Variants in CBL observed in about 807,000 individuals in gnomAD.
The protein encoded by CBL is E3 ubiquitin-protein ligase CBL.
CBL carries 45 observed loss-of-function variants against 96.9 expected under a neutral mutation model. The ratio of observed to expected loss-of-function variants is 0.46; its 90% CI spans 0.37 to 0.60. CBL has a LOEUF of 0.60. Among genes scored for constraint, CBL ranks in the 20% least tolerant of loss-of-function variants. CBL has a pLI of 0.00. For synonymous variants in CBL, 420 were observed against 426.8 expected, an observed-to-expected ratio of 0.98 and a Z score of 0.20; for missense variants, 1,024 against 1,143.5, an observed-to-expected ratio of 0.90 and a Z score of 1.51.
chr11:119,288,004 T>C (rs1949997593), intron 12 of CBL, 58 bp downstream of exon 12: 3 of 1,171,192 alleles, frequency 2.6e-6, no homozygotes, highest in Non-Finnish European at 3.9e-6. Context: ...AAAAGCTTAC[T>C]TGCAGAAAAT....
chr11:119,271,694 T>C (rs1334093408), intron 2 of CBL, 41 bp from the exon 3 acceptor site: 5 of 1,574,766 alleles, frequency 3.2e-6, no homozygotes, highest in Non-Finnish European at 4.4e-6. Flanking sequence ...AAAATAAAAA[T>C]AATTTTATGT....
At chr11:119,244,048 A>C (rs1172023005) in intron 2 of CBL, among the ~76,000 whole-genome samples, 4 of 152,194 alleles carry the variant, frequency 2.6e-5, no homozygotes, top group African/African-American at 9.7e-5. Context: ...TTTTAAAAGA[A>C]GAAAAAAAAT....
intron 4 of CBL, 95 bp from the exon 5 acceptor site, chr11:119,274,737 A>G (rs1316029924): frequency 1.7e-6 from 2 of 1,170,012 alleles, no homozygotes; most frequent in African/African-American, 3.1e-5. Flanking sequence ...CTGACAATGA[A>G]CTGAGAGTTG....
Position 119,245,600 on chromosome 11 carries a change from G to A in CBL, c.443+12905G>A, listed in dbSNP as rs1225570547. On this transcript the variant is annotated intron_variant, in intron 2 of 15. Transcript: ENST00000264033. ...AAAAATTACCCGGGCATGGTGGTGG[G>A]TACCTGTAATCCCAGCTACTCGGGA... 4.0e-5 allele frequency among the ~76,000 whole-genome samples: 6 copies of A among 151,882 alleles called. No individual in the cohort carries two copies. The East Asian group carries it at 1.2e-3, about 29-fold the overall frequency.
rs978534327 is a variant in CBL at position 119,210,577 on chromosome 11, C to T, written c.195+3965C>T. ...CCAAGTAGCTGGGATTATAGGCATG[C>T]GCCACCACACCTGGCTAATTTTTCA... On this transcript the variant is annotated intron_variant, in intron 1 of 15. Transcript: ENST00000264033. Among the ~76,000 whole-genome samples the T allele has an allele frequency of 4.7e-5, 7 of 150,414 alleles. No individual in the cohort carries two copies. In the East Asian group the frequency reaches 9.7e-4, roughly 21 times the overall value.
intron 11 of CBL, among the ~76,000 whole-genome samples, chr11:119,286,727 C>G (rs1037052385): frequency 1.3e-5 from 2 of 151,976 alleles, no homozygotes; most frequent in African/African-American, 4.8e-5. Context: ...GTTATTGGTC[C>G]TTTGTCTAAA....
rs944665757 is a variant in CBL, at chr11:119,296,634, A to G, written c.2037-284A>G. Among the ~76,000 whole-genome samples, 7 of 152,192 alleles carry G rather than the reference A, an allele frequency of 4.6e-5. 1 individual carries two copies. Among genetic ancestry groups the G allele is most frequent in the Admixed American group, 2.6e-4 (4 of 15,286 alleles). ...CTCTAGGGCCTGGGACTCTATAATGAAACTTCTGTGGGGGATTAGGACTAA... is the reference window on the plus strand; with the variant it reads ...CTCTAGGGCCTGGGACTCTATAATGGAACTTCTGTGGGGGATTAGGACTAA... On this transcript the variant is annotated intron_variant, in intron 12 of 15. Transcript: ENST00000264033.
At chr11:119,217,707 G>A (rs1429704051) in intron 1 of CBL, among the ~76,000 whole-genome samples, 5 of 152,014 alleles carry the variant, frequency 3.3e-5, no homozygotes, top group Non-Finnish European at 5.9e-5. Context: ...TAAATAAATG[G>A]AAGTTGGGCA....
At chr11:119,275,183 G>A (rs1403396998) in intron 5 of CBL, among the ~76,000 whole-genome samples, 3 of 152,224 alleles carry the variant, frequency 2.0e-5, no homozygotes, top group Non-Finnish European at 2.9e-5. Context: ...GCTCACGCCT[G>A]TCATCCCAGC....
intron 1 of CBL, among the ~76,000 whole-genome samples, chr11:119,208,390 T>C (rs1475668203): frequency 6.6e-6 from 1 of 151,720 alleles, no homozygotes; most frequent in African/African-American, 2.4e-5. Context: ...GTATTCTGTA[T>C]TCTTTTTTTT....
intron 5 of CBL, 117 bp from the exon 6 acceptor site, chr11:119,275,880 A>G (rs1165460398): frequency 2.9e-6 from 3 of 1,050,754 alleles, no homozygotes; most frequent in East Asian, 2.4e-5. Flanking sequence ...AAAGAAAGAA[A>G]GGAAGAAAGT....
rs758583427 is a variant in CBL, at chr11:119,206,477, G to T, written c.60G>T (p.Ser20=). 1.2e-5 allele frequency: 19 copies of T among 1,575,358 alleles called. No homozygotes were observed. In the African/African-American group the frequency reaches 2.2e-4, roughly 18 times the overall value. Residue 20 remains serine (S), a synonymous_variant, in exon 1 of 16, where the codon TCG becomes TCT. Coordinates refer to ENST00000264033, the MANE Select transcript of CBL (RefSeq NM_005188.4). Reference sequence around the variant, plus strand: ...GGGGCGGCAGCGGCTCCGGGGGCTCGGGTTCGGGTGGCCTGATTGGGCTCA... The same window carrying T: ...GGGGCGGCAGCGGCTCCGGGGGCTCTGGTTCGGGTGGCCTGATTGGGCTCA... ...GAGGGSGSGG[S]GSGGLIGLMK...
At chr11:119,296,170 C>G (rs1419724344) in intron 12 of CBL, among the ~76,000 whole-genome samples, 1 of 152,162 alleles carries the variant, frequency 6.6e-6, no homozygotes, top group Non-Finnish European at 1.5e-5. Context: ...AGAGATGCTC[C>G]TTGTAGCATC....
intron 4 of CBL, among the ~76,000 whole-genome samples, chr11:119,274,451 C>G (rs533171595): frequency 6.6e-6 from 1 of 152,272 alleles, no homozygotes; most frequent in African/African-American, 2.4e-5. Flanking sequence ...TTCTTTTTCT[C>G]TAAAAATAAT....
rs730880434 is a variant in CBL at position 119,285,014 on chromosome 11, C to T, written c.1477C>T (p.Leu493Phe). ...SPFSMAPQAS[L>F]PPVPPRLDLL... ...ATTCTCCATGGCCCCACAAGCTTCC[C>T]TTCCCCCGGTGCCACCACGACTTGA... The change falls in exon 10 of 16, where the codon CTT (leucine) becomes TTT (phenylalanine). Residue 493 changes from leucine (L) to phenylalanine (F), a missense_variant. Leu to Phe is a conservative substitution (Grantham distance 22). Around this residue, in one of 4 missense-constraint regions of CBL, gnomAD observed 695 missense variants for 661.6 expected, o/e 1.05. Coordinates refer to ENST00000264033, the MANE Select transcript of CBL (RefSeq NM_005188.4). The T allele has an allele frequency of 9.3e-5, 150 of 1,614,068 alleles. No individual in the cohort carries two copies. Among genetic ancestry groups the T allele is most frequent in the Non-Finnish European group, 1.1e-4 (132 of 1,180,028 alleles).
intron 2 of CBL, among the ~76,000 whole-genome samples, chr11:119,269,013 G>A (rs1046955079): frequency 2.0e-5 from 3 of 152,200 alleles, no homozygotes; most frequent in African/African-American, 7.2e-5. Context: ...GCCACAGGCT[G>A]CTGATTGTGC....
Position 119,302,437 on chromosome 11 carries a change from T to C in CBL, c.*2656T>C, listed in dbSNP as rs1591272634. 8.6e-6 allele frequency: 2 copies of C among 233,136 alleles called. No homozygotes were observed. Among genetic ancestry groups the C allele is most frequent in the East Asian group, 1.2e-4 (2 of 16,566 alleles). 14.4% of individuals were successfully genotyped at this position (233,136 alleles called of 1,614,324 possible). A position where few individuals can be genotyped will look rare whatever the true frequency, so the allele number is the denominator to read the frequency against. The stretch of plus-strand genomic sequence containing the variant: ...ATGGCAATTTAAAAGTCTTTGGCTT[T>C]GCTCTGAATTTAATTAAAACTGCCT... On this transcript the variant is annotated 3_prime_UTR_variant, in exon 16 of 16. Transcript: ENST00000264033.
At chr11:119,236,622 T>TATATATATATATATATAC (rs398017756) in intron 2 of CBL, among the ~76,000 whole-genome samples, 9 of 144,350 alleles carry the variant, frequency 6.2e-5, no homozygotes, top group African/African-American at 2.1e-4. Flanking sequence ...TATATATATA[T>TATATATATATATATATAC]ACCCATAGGA....
At chr11:119,287,339 A>G (rs2510147) in intron 11 of CBL, among the ~76,000 whole-genome samples, 4,513 of 152,314 alleles carry the variant, frequency 0.03, 243 homozygotes, top group African/African-American at 0.1. Context: ...TGATGGAAGC[A>G]TCAGCAAGTA....
Sources: allele counts gnomAD v4.1 joint callset (sites outside exome capture counted in the v4.1 genomes callset), GRCh38; gene constraint gnomAD v4.1.1; regional missense constraint gnomAD v4.1.1; transcripts MANE v1.5; gene names NCBI Gene and HGNC (gene_info 2026-07-23, HGNC 2026-07-21).